The following SLC25A35 variants were observed in gnomAD, a reference collection of about 807,000 sequenced individuals.
SLC25A35 encodes the protein solute carrier family 25 member 35.
Under a neutral mutation model 30.5 loss-of-function variants are expected in SLC25A35, and 32 were observed. The ratio of observed to expected loss-of-function variants is 1.05; its 90% CI spans 0.79 to 1.41. The LOEUF is 1.41. Among genes scored for constraint, SLC25A35 ranks in the 40% most tolerant of loss-of-function variants. The pLI is 0.00. For synonymous variants in SLC25A35, 142 were observed against 158.1 expected (o/e 0.90, Z 0.77); for missense variants, 369 against 388.0 (o/e 0.95, Z 0.41).
downstream of SLC25A35, chr17:8,288,724 T>C (rs1990232795): frequency 6.4e-6 from 10 of 1,570,102 alleles, no homozygotes; most frequent in Non-Finnish European, 2.6e-6. Context: ...AGGGAGCCGA[T>C]GCCACGTGAC....
rs193104864 is a variant in SLC25A35, at chr17:8,290,402, A to G, written c.*103T>C. On this transcript the variant is annotated 3_prime_UTR_variant, in exon 5 of 5. Transcript: ENST00000577745. Reference sequence around the variant, plus strand: ...TGGGGAGTGGGGTTGGCTGTCCCCCATGGATGGATGAAAGGTCACCTAATC... The same window carrying G: ...TGGGGAGTGGGGTTGGCTGTCCCCCGTGGATGGATGAAAGGTCACCTAATC... The G allele has an allele frequency of 2.0e-5, 29 of 1,478,182 alleles. No homozygotes were observed. The highest frequency in any genetic ancestry group is 2.5e-5 in the Non-Finnish European group (28 of 1,116,584). 91.6% of individuals were successfully genotyped at this position (1,478,182 alleles called of 1,614,324 possible).
In SLC25A35 at chr17:8,292,392, G is replaced by C. The variant is rs1990574252; in HGVS notation, c.441+131C>G. ...GTAAAGAGGGTCTGGGTAGACTCCA[G>C]GGGCAAAATGGGACAGAACCGATGG... On this transcript the variant is annotated intron_variant, in intron 2 of 4. Coordinates refer to ENST00000577745, the MANE Select transcript of SLC25A35 (RefSeq NM_001320870.2). The C allele has an allele frequency of 1.4e-5, 12 of 885,344 alleles. No homozygotes were observed. In the South Asian group the frequency reaches 1.6e-4, roughly 11 times the overall value. The allele number at this position is 885,344 out of a possible 1,614,324, so 54.8% of individuals were successfully genotyped here.
Position 8,290,543 on chromosome 17 carries a change from C to G in SLC25A35, c.865G>C (p.Asp289His). ...GTGTAGTAGAGGGAGCGCAGCTGGT[C>G]CCAGAAGAAGAGGGAGAGGATGGTG... ...PHTILSLFFW[D>H]QLRSLYYTDT... The change falls in exon 5 of 5, where the codon GAC (aspartate) becomes CAC (histidine). Residue 289 changes from aspartate to histidine, a missense_variant. Transcript: ENST00000577745. 2.6e-6 allele frequency: 4 copies of G among 1,535,992 alleles called. No individual in the cohort carries two copies. The highest frequency in any genetic ancestry group is 3.5e-6 in the Non-Finnish European group (4 of 1,146,864).
At chr17:8,291,287 C>G in intron 3 of SLC25A35, 46 bp downstream of exon 3, 2 of 1,606,026 alleles carry the variant, frequency 1.2e-6, no homozygotes, top group Non-Finnish European at 1.7e-6. Context: ...CTTGCCCTCC[C>G]CTTCCCCCCT....
downstream of SLC25A35, chr17:8,289,215 G>A: frequency 6.2e-7 from 1 of 1,609,314 alleles, no homozygotes; most frequent in South Asian, 1.1e-5. Context: ...TCCCGGGGAG[G>A]CGACCAGAGA....
downstream of SLC25A35, chr17:8,289,466 G>C: frequency 6.2e-7 from 1 of 1,614,184 alleles, no homozygotes; most frequent in Non-Finnish European, 8.5e-7. Flanking sequence ...CGGGGACGCA[G>C]AGATCCAGGT....
At chr17:8,289,181 GCCAGGCCTGCAACTTAAAGATGCTC>G, downstream of SLC25A35, 3 of 1,601,530 alleles carry the variant, frequency 1.9e-6, no homozygotes, top group Non-Finnish European at 2.6e-6. Flanking sequence ...CGGGCCGGGA[GCCAGGCCTGCAACTTAAAGATGCTC>G]CCGGGGAGGC....
At chr17:8,293,652 G>C (rs1413879485) in intron 1 of SLC25A35, among the ~76,000 whole-genome samples, 11 of 141,366 alleles carry the variant, frequency 7.8e-5, no homozygotes, top group Admixed American at 3.6e-4. Context: ...CCTGGGTTTA[G>C]GCCATTCTCC....
At chr17:8,291,843 A>G (rs1224337360) in intron 2 of SLC25A35, among the ~76,000 whole-genome samples, 3 of 152,118 alleles carry the variant, frequency 2.0e-5, no homozygotes, top group East Asian at 1.9e-4. Flanking sequence ...TGAGGTCAGG[A>G]GTTTGAGACC....
At chr17:8,288,969 G>T (rs1990255112), downstream of SLC25A35, 7 of 1,614,156 alleles carry the variant, frequency 4.3e-6, no homozygotes, top group Non-Finnish European at 5.9e-6. Context: ...CCTCCGACCG[G>T]TCCCGGACAA....
chr17:8,294,747 C>G lies in SLC25A35; in HGVS notation c.61G>C (p.Glu21Gln), dbSNP rs374275885. 3.5e-5 allele frequency: 57 copies of G among 1,613,628 alleles called. No homozygotes were observed. The highest frequency in any genetic ancestry group is 4.5e-5 in the Non-Finnish European group (53 of 1,179,782). Residue 21 changes from glutamate (E) to glutamine (Q), a missense_variant, in exon 1 of 5, where the codon GAG becomes CAG. Physicochemically the swap from Glu to Gln is conservative, Grantham distance 29. Transcript: ENST00000577745. ...CGACVFTNPL[E>Q]VVKTRMQLQG... is the part of the protein sequence containing the mutation. The stretch of plus-strand genomic sequence containing the variant: ...AACTGCATCCTGGTCTTCACCACCT[C>G]CAGGGGATTGGTGAATACACAGGCC...
At chr17:8,292,260 G>A (rs766801406) in intron 2 of SLC25A35, among the ~76,000 whole-genome samples, 2 of 152,216 alleles carry the variant, frequency 1.3e-5, no homozygotes, top group Non-Finnish European at 2.9e-5. Flanking sequence ...TCGGGAGGCT[G>A]AGGCAGGAGA....
chr17:8,293,200 C>T (rs1990623196), intron 1 of SLC25A35, among the ~76,000 whole-genome samples: 1 of 152,208 alleles, frequency 6.6e-6, no homozygotes, highest in African/African-American at 2.4e-5. Context: ...GTCACTTCCC[C>T]TTTCTGGGCC....
Position 8,294,916 on chromosome 17 carries a change from C to T in SLC25A35, c.-109G>A. On this transcript the variant is annotated 5_prime_UTR_variant, in exon 1 of 5. Transcript: ENST00000577745. The stretch of plus-strand genomic sequence containing the variant: ...AGGCCTGTTTCAGCAGTACAGGTTG[C>T]AGAAGATAAGAATTTAGATTTGCAG... 1.3e-6 allele frequency: 2 copies of T among 1,483,368 alleles called. No individual in the cohort carries two copies. Among genetic ancestry groups the T allele is most frequent in the Non-Finnish European group, 8.9e-7 (1 of 1,122,458 alleles). 91.9% of individuals were successfully genotyped at this position (1,483,368 alleles called of 1,614,324 possible).
chr17:8,294,342 C>G, intron 1 of SLC25A35, 91 bp downstream of exon 1: 1 of 1,373,530 alleles, frequency 7.3e-7, no homozygotes. Flanking sequence ...AGTGGGGCAG[C>G]ACTCTGCCAC....
chr17:8,291,508 T>G (rs1383365265), intron 2 of SLC25A35, 23 bp from the exon 3 acceptor site: 6 of 1,593,954 alleles, frequency 3.8e-6, no homozygotes, highest in South Asian at 2.3e-5. Flanking sequence ...AGACCGGGGG[T>G]GGGGTTCAGA....
chr17:8,289,080 A>G (rs774053920), downstream of SLC25A35: 15 of 1,613,118 alleles, frequency 9.3e-6, no homozygotes, highest in Non-Finnish European at 1.3e-5. Flanking sequence ...GCGGTGAGGG[A>G]ATGGCCCCCG....
In SLC25A35 at chr17:8,294,611, AG is replaced by A; in HGVS notation, c.196del (p.Leu66TrpfsTer10). On this transcript the variant is annotated frameshift_variant, in exon 1 of 5. Transcript: ENST00000577745. LOFTEE classifies it high-confidence loss of function. ...VDGLAALQKGLAPALLYQFLM... is the reference protein window; with the variant it reads ...VDGLAALQKGXAPALLYQFLM... ...GAACTGGTACAAGAGGGCGGGGGCC[AG>A]GCCTTTCTGCAGGGCAGCAAGGCCA... is the stretch of plus-strand genomic sequence containing the variant. 1 of 1,614,214 alleles carries A rather than the reference AG, an allele frequency of 6.2e-7. No homozygotes were observed.
At chr17:8,288,777 A>G (rs1313361022), downstream of SLC25A35, 1 of 1,613,914 alleles carries the variant, frequency 6.2e-7, no homozygotes, top group East Asian at 2.2e-5. Context: ...CCCATAACCC[A>G]GCCTCAGACC....
Sources: allele counts gnomAD v4.1 joint callset (sites outside exome capture counted in the v4.1 genomes callset), GRCh38; gene constraint gnomAD v4.1.1; transcripts MANE v1.5; gene names NCBI Gene and HGNC (gene_info 2026-07-23, HGNC 2026-07-21).